TNIK: variants seen among roughly 807,000 people sequenced by gnomAD.
TNIK encodes TRAF2 and NCK interacting kinase.
Under a neutral mutation model 191.3 loss-of-function variants are expected in TNIK, and 49 were observed. The observed-to-expected ratio is 0.26, with a 90% CI of 0.20 to 0.32. The LOEUF (loss-of-function observed/expected upper bound fraction) is 0.32. Among genes scored for constraint, TNIK ranks in the 10% least tolerant of loss-of-function variants. The pLI is 1.00. For missense variants in TNIK, 1,155 were observed against 1,702.3 expected (o/e 0.68, Z 5.66); for synonymous variants, 594 against 600.9 (o/e 0.99, Z 0.17).
rs556910896 is a variant in TNIK, at chr3:171,198,128, G to A, written c.307-3493C>T. Among the ~76,000 whole-genome samples the A allele has an allele frequency of 9.2e-5, 14 of 152,210 alleles. No homozygotes were observed. The South Asian group carries it at 1.7e-3, about 18-fold the overall frequency. ...GATGCATGATATGTGGATGAATCAC[G>A]TAAAACATTATGCTAAGTAAAAGAG... is the stretch of plus-strand genomic sequence containing the variant. On this transcript the variant is annotated intron_variant, in intron 4 of 32. Transcript: ENST00000436636.
chr3:171,304,502 A>C (rs1004108237), intron 2 of TNIK, among the ~76,000 whole-genome samples: 1 of 152,200 alleles, frequency 6.6e-6, no homozygotes, highest in African/African-American at 2.4e-5. Context: ...CAGCCACCCC[A>C]TTACTGGGTA....
chr3:171,387,564 T>C (rs1331636685), intron 1 of TNIK, among the ~76,000 whole-genome samples: 1 of 152,166 alleles, frequency 6.6e-6, no homozygotes, highest in Non-Finnish European at 1.5e-5. Flanking sequence ...AATGCTTTTA[T>C]GAGATAAGAA....
chr3:171,210,073 G>A (rs1415431103), intron 4 of TNIK, among the ~76,000 whole-genome samples: 2 of 152,172 alleles, frequency 1.3e-5, no homozygotes, highest in Non-Finnish European at 2.9e-5. Flanking sequence ...TCTGGAAAAT[G>A]AGCAAGACAG....
At chr3:171,212,147 G>A (rs1487230165) in intron 3 of TNIK, among the ~76,000 whole-genome samples, 1 of 152,070 alleles carries the variant, frequency 6.6e-6, no homozygotes, top group Non-Finnish European at 1.5e-5. Context: ...ATCATGACCT[G>A]AAAAACTACC....
intron 2 of TNIK, among the ~76,000 whole-genome samples, chr3:171,337,488 GCCTGGGCAT>G (rs1181824995): frequency 6.6e-6 from 1 of 152,208 alleles, no homozygotes; most frequent in East Asian, 1.9e-4. Context: ...TACGGTTTAA[GCCTGGGCAT>G]CCTATTTGGG....
At chr3:171,139,376 GCGCACA>G (rs954732345) in intron 14 of TNIK, 88 bp downstream of exon 14, 53 of 532,118 alleles carry the variant, frequency 1.0e-4, no homozygotes, top group South Asian at 7.6e-4. Flanking sequence ...ACACGCACGC[GCGCACA>G]CACACACACA....
At chr3:171,453,472 T>G (rs368951585) in intron 1 of TNIK, among the ~76,000 whole-genome samples, 1 of 151,738 alleles carries the variant, frequency 6.6e-6, no homozygotes, top group Non-Finnish European at 1.5e-5. Context: ...AATGGGGGAG[T>G]GGTCGTCAAA....
intron 1 of TNIK, among the ~76,000 whole-genome samples, chr3:171,449,336 C>T (rs1029398825): frequency 2.6e-5 from 4 of 152,228 alleles, no homozygotes; most frequent in African/African-American, 9.6e-5. Flanking sequence ...ACACCGTCTT[C>T]CACAATGGTT....
intron 2 of TNIK, among the ~76,000 whole-genome samples, chr3:171,239,316 A>T (rs1052147413): frequency 1.3e-5 from 2 of 152,250 alleles, no homozygotes; most frequent in Non-Finnish European, 2.9e-5. Flanking sequence ...TTTATCCAAC[A>T]TAAGTTCTTC....
intron 2 of TNIK, among the ~76,000 whole-genome samples, chr3:171,365,087 G>A (rs981355348): frequency 1.4e-5 from 2 of 143,578 alleles, no homozygotes; most frequent in East Asian, 4.7e-4. Context: ...AACAGGAGAT[G>A]TAAGTATATG....
chr3:171,301,237 T>C (rs1752839403), intron 2 of TNIK, among the ~76,000 whole-genome samples: 3 of 151,744 alleles, frequency 2.0e-5, no homozygotes, highest in African/African-American at 7.3e-5. Flanking sequence ...TTAACTGGAA[T>C]CTAACTGTGT....
chr3:171,260,500 G>A (rs369280592), intron 2 of TNIK, among the ~76,000 whole-genome samples: 49 of 152,292 alleles, frequency 3.2e-4, no homozygotes, highest in East Asian at 1.5e-3. Context: ...ATTTCCAAGA[G>A]GGGAAGGATG....
At chr3:171,101,798 G>A (rs566513328) in intron 21 of TNIK, 165 bp from the exon 22 acceptor site, 40 of 651,584 alleles carry the variant, frequency 6.1e-5, no homozygotes, top group African/African-American at 1.8e-4. Flanking sequence ...TGTTTGTAGC[G>A]TGTAGAAGCT....
intron 1 of TNIK, among the ~76,000 whole-genome samples, chr3:171,371,550 G>GC (rs1357515657): frequency 2.0e-5 from 3 of 152,118 alleles, no homozygotes; most frequent in Non-Finnish European, 4.4e-5. Context: ...TTCCAGTTAT[G>GC]CCCCACCTGG....
chr3:171,160,197 G>A (rs79751615), intron 11 of TNIK, among the ~76,000 whole-genome samples: 18 of 152,270 alleles, frequency 1.2e-4, no homozygotes, highest in Admixed American at 5.9e-4. Context: ...AGAAGTATTC[G>A]GTCTTTGACC....
Position 171,167,248 on chromosome 3 carries a change from T to C in TNIK, c.796A>G (p.Ile266Val). 6.2e-7 allele frequency: 1 copy of C among 1,612,926 alleles called. No homozygotes were observed. Among genetic ancestry groups the C allele is most frequent in the Non-Finnish European group, 8.5e-7 (1 of 1,179,534 alleles). Residue 266 changes from isoleucine (I) to valine (V), a missense_variant, in exon 10 of 33, where the codon ATT (isoleucine) becomes GTT (valine). Physicochemically the swap from Ile to Val is conservative, Grantham distance 29. This residue lies in a region of TNIK where 225 missense variants were observed against 438.9 expected (regional missense o/e 0.51). Transcript: ENST00000436636. ...KKWSKKFQSF[I>V]ESCLVKNHSQ... ...TGATTCTTTACCAAGCAGCTCTCAA[T>C]AAATGACTGGAATTTTTTTGACCTG...
At chr3:171,120,707 G>A (rs1727609784) in intron 18 of TNIK, among the ~76,000 whole-genome samples, 1 of 152,064 alleles carries the variant, frequency 6.6e-6, no homozygotes, top group African/African-American at 2.4e-5. Context: ...CTCCTTGATG[G>A]TTCTCTAAGT....
At chr3:171,315,256 G>A (rs1754478232) in intron 2 of TNIK, among the ~76,000 whole-genome samples, 2 of 152,034 alleles carry the variant, frequency 1.3e-5, no homozygotes, top group South Asian at 4.2e-4. Context: ...CAACCACACG[G>A]GCCATTATTC....
intron 2 of TNIK, among the ~76,000 whole-genome samples, chr3:171,342,822 C>T (rs980099764): frequency 6.6e-6 from 1 of 152,180 alleles, no homozygotes; most frequent in South Asian, 2.1e-4. Context: ...CCCTAATCCC[C>T]TCATGTCATG....
Sources: gnomAD v4.1 joint callset for allele counts (sites outside exome capture counted in the v4.1 genomes callset) on GRCh38, gnomAD v4.1.1 for gene constraint, gnomAD v4.1.1 regional missense constraint, MANE v1.5 for transcripts, NCBI Gene and HGNC (gene_info 2026-07-23, HGNC 2026-07-21) for gene names.